KCNMB2: variants seen among roughly 807,000 people sequenced by gnomAD.
KCNMB2 encodes calcium-activated potassium channel subunit beta-2.
A neutral mutation model predicts 24.5 loss-of-function variants in KCNMB2; 9 were observed. That is an observed-to-expected ratio of 0.37 (90% CI 0.22 to 0.64). KCNMB2 has a LOEUF of 0.64. KCNMB2 is among the 30% of genes least tolerant of loss of function. The pLI is 0.63. For missense variants in KCNMB2, 226 were observed against 284.3 expected (o/e 0.79, Z 1.47); for synonymous variants, 109 against 104.4 (o/e 1.04, Z -0.27).
chr3:178,797,013 A>G (rs545559000), intron 1 of KCNMB2, among the ~76,000 whole-genome samples: 2 of 152,210 alleles, frequency 1.3e-5, no homozygotes, highest in Admixed American at 1.3e-4. Context: ...AGAAAACAAG[A>G]GAAGACTCAA....
intron 1 of KCNMB2, among the ~76,000 whole-genome samples, chr3:178,612,244 T>C (rs1036167376): frequency 2.0e-5 from 3 of 152,216 alleles, no homozygotes; most frequent in Admixed American, 2.0e-4. Context: ...GAAGAAATGT[T>C]CTGTAAATAT....
In KCNMB2 at chr3:178,571,708, G is replaced by A. The variant is rs1038655461; in HGVS notation, c.-68+34997G>A. Reference sequence around the variant, plus strand: ...TGCCCCCAAACCCCTGACAGGCCCCGGTGTGTGATGTTGCCCTCCCTGTGT... The same window carrying A: ...TGCCCCCAAACCCCTGACAGGCCCCAGTGTGTGATGTTGCCCTCCCTGTGT... On this transcript the variant is annotated intron_variant, in intron 1 of 4. Transcript: ENST00000452583. Among the ~76,000 whole-genome samples the A allele has an allele frequency of 6.6e-5, 10 of 151,136 alleles. No individual in the cohort carries two copies. In the East Asian group the frequency reaches 1.4e-3, roughly 21 times the overall value.
At chr3:178,696,732 A>C (rs1231624899) in intron 1 of KCNMB2, among the ~76,000 whole-genome samples, 1 of 151,950 alleles carries the variant, frequency 6.6e-6, no homozygotes, top group Non-Finnish European at 1.5e-5. Context: ...TGATGTGTGC[A>C]TTTTCTTCTA....
intron 1 of KCNMB2, among the ~76,000 whole-genome samples, chr3:178,645,593 T>C (rs1038198606): frequency 6.6e-6 from 1 of 152,158 alleles, no homozygotes; most frequent in Non-Finnish European, 1.5e-5. Flanking sequence ...GGAGCCAGTG[T>C]AGGAGAATGG....
intron 1 of KCNMB2, among the ~76,000 whole-genome samples, chr3:178,610,116 T>A (rs1718429421): frequency 6.6e-6 from 1 of 152,212 alleles, no homozygotes; most frequent in South Asian, 2.1e-4. Flanking sequence ...GGGTTCTCTA[T>A]GTTGTTCCAT....
intron 1 of KCNMB2, among the ~76,000 whole-genome samples, chr3:178,626,445 A>G (rs1375152578): frequency 4.6e-5 from 7 of 152,228 alleles, no homozygotes; most frequent in African/African-American, 1.7e-4. Context: ...TCACACTGCT[A>G]TAAAGAACTG....
intron 1 of KCNMB2, among the ~76,000 whole-genome samples, chr3:178,611,404 C>G (rs1277249946): frequency 6.6e-6 from 1 of 151,962 alleles, no homozygotes; most frequent in African/African-American, 2.4e-5. Context: ...CTTTGTTTAA[C>G]TTTTCAAAAA....
At chr3:178,638,596 C>T (rs1017274811) in intron 1 of KCNMB2, among the ~76,000 whole-genome samples, 1 of 152,178 alleles carries the variant, frequency 6.6e-6, no homozygotes, top group African/African-American at 2.4e-5. Flanking sequence ...ATAAAATACT[C>T]ACTAAAAGAC....
chr3:178,562,329 T>G (rs573112561), intron 1 of KCNMB2, among the ~76,000 whole-genome samples: 1 of 152,306 alleles, frequency 6.6e-6, no homozygotes, highest in Admixed American at 6.5e-5. Context: ...GTGTGACCAC[T>G]AGGTTTGGCA....
At chr3:178,624,786 C>T (rs925322597) in intron 1 of KCNMB2, among the ~76,000 whole-genome samples, 3 of 151,774 alleles carry the variant, frequency 2.0e-5, no homozygotes, top group Admixed American at 1.3e-4. Flanking sequence ...TTCACGTGGA[C>T]AGGGCGGGCA....
chr3:178,693,685 T>C (rs1721765089), intron 1 of KCNMB2, among the ~76,000 whole-genome samples: 1 of 152,170 alleles, frequency 6.6e-6, no homozygotes, highest in African/African-American at 2.4e-5. Flanking sequence ...TTGATATTCA[T>C]CAAGAATATT....
At chr3:178,593,627 T>C (rs1333343463) in intron 1 of KCNMB2, among the ~76,000 whole-genome samples, 1 of 151,922 alleles carries the variant, frequency 6.6e-6, no homozygotes, top group African/African-American at 2.4e-5. Flanking sequence ...CCAATAGTTA[T>C]TTAATGTCCA....
chr3:178,836,504 C>T (rs959333580), intron 4 of KCNMB2, among the ~76,000 whole-genome samples: 111 of 152,186 alleles, frequency 7.3e-4, no homozygotes, highest in African/African-American at 2.6e-3. Context: ...AGAGAAGTTT[C>T]TGTCTGTCAA....
At chr3:178,766,086 A>T (rs1274091813) in intron 1 of KCNMB2, among the ~76,000 whole-genome samples, 2 of 152,100 alleles carry the variant, frequency 1.3e-5, no homozygotes, top group African/African-American at 2.4e-5. Context: ...TCCAAGTCTC[A>T]TTGAACAAAA....
At chr3:178,562,879 C>A (rs956227514) in intron 1 of KCNMB2, among the ~76,000 whole-genome samples, 1 of 152,140 alleles carries the variant, frequency 6.6e-6, no homozygotes, top group Non-Finnish European at 1.5e-5. Context: ...ACTGATGAAA[C>A]CTTGAAGCTG....
rs1297959501 is a variant in KCNMB2 at position 178,820,399 on chromosome 3, T to G, written c.57-5189T>G. On this transcript the variant is annotated intron_variant, in intron 2 of 4. Transcript: ENST00000452583. ...TTTGGTATCGCCAGAACTTAGCACA[T>G]TGTGTTTCATCTGATGAAGACTTAG... The G allele has an allele frequency of 2.6e-5, 4 of 152,792 alleles. No individual in the cohort carries two copies. In the South Asian group the frequency reaches 8.3e-4, roughly 32 times the overall value. 9.5% of individuals were successfully genotyped at this position (152,792 alleles called of 1,614,324 possible). A position where few individuals can be genotyped will look rare whatever the true frequency, so the allele number is the denominator to read the frequency against.
At chr3:178,751,967 T>A (rs944585221) in intron 1 of KCNMB2, among the ~76,000 whole-genome samples, 2 of 152,228 alleles carry the variant, frequency 1.3e-5, no homozygotes, top group East Asian at 3.8e-4. Context: ...GGAAGTTAAC[T>A]GGTAGAAGCA....
chr3:178,680,362 T>C (rs1391951556), intron 1 of KCNMB2, among the ~76,000 whole-genome samples: 3 of 152,308 alleles, frequency 2.0e-5, no homozygotes, highest in Admixed American at 6.5e-5. Context: ...CCAGCTACAC[T>C]TACAGCTTCT....
At chr3:178,652,245 A>G (rs1351555128) in intron 1 of KCNMB2, among the ~76,000 whole-genome samples, 1 of 152,142 alleles carries the variant, frequency 6.6e-6, no homozygotes, top group Non-Finnish European at 1.5e-5. Context: ...AAACAACCCC[A>G]TCAAAAAGTG....
Sources: allele counts gnomAD v4.1 joint callset (sites outside exome capture counted in the v4.1 genomes callset), GRCh38; gene constraint gnomAD v4.1.1; transcripts MANE v1.5; gene names NCBI Gene and HGNC (gene_info 2026-07-23, HGNC 2026-07-21).